The following PDE1C variants were observed in gnomAD, a reference collection of about 807,000 sequenced individuals.
PDE1C encodes the protein phosphodiesterase 1C.
In PDE1C, 62 loss-of-function variants were observed where a neutral mutation model predicts 93.1. The observed-to-expected ratio is 0.67, with a 90% CI of 0.54 to 0.82. PDE1C has a LOEUF of 0.82. Ranked by LOEUF, PDE1C falls within the 40% of genes least tolerant of loss-of-function variation. The pLI is 0.00. For missense variants in PDE1C, 742 were observed against 884.6 expected, an observed-to-expected ratio of 0.84 and a Z score of 2.04; for synonymous variants, 325 against 310.1, an observed-to-expected ratio of 1.05 and a Z score of -0.50.
chr7:31,887,122 T>G (rs1435168779), intron 2 of PDE1C, among the ~76,000 whole-genome samples: 1 of 152,186 alleles, frequency 6.6e-6, no homozygotes, highest in Non-Finnish European at 1.5e-5. Flanking sequence ...CAGGCTGGTC[T>G]GATACTCTGA....
intron 2 of PDE1C, among the ~76,000 whole-genome samples, chr7:31,963,152 C>G (rs1809285601): frequency 6.6e-6 from 1 of 152,080 alleles, no homozygotes; most frequent in African/African-American, 2.4e-5. Context: ...AATAAAAGAA[C>G]TGCCTATATT....
chr7:31,915,861 G>GA (rs1226399847), intron 2 of PDE1C, among the ~76,000 whole-genome samples: 1 of 152,156 alleles, frequency 6.6e-6, no homozygotes, highest in Non-Finnish European at 1.5e-5. Context: ...AAAGATACAA[G>GA]TAGACTTGTA....
the PDE1C span, among the ~76,000 whole-genome samples, chr7:31,732,372 T>C: frequency 1.3e-5 from 2 of 150,636 alleles, no homozygotes; most frequent in African/African-American, 2.5e-5. Flanking sequence ...GCCGTGAAGA[T>C]TTTTTTTTAG....
chr7:31,753,400 T>A lies in PDE1C; in HGVS notation c.2114A>T (p.Asn705Ile). The change falls in exon 18 of 18, where the codon AAC becomes ATC. Residue 705 changes from asparagine to isoleucine, a missense_variant. Around this residue, in one of 4 missense-constraint regions of PDE1C, gnomAD observed 454 missense variants for 459.4 expected, o/e 0.99. Coordinates refer to ENST00000396191, the MANE Select transcript of PDE1C (RefSeq NM_001191057.4). ...CCCCTCGGCCTATTTTCTGTTCCAG[T>A]TATGTGAGATGTTCTGAATCTTTTT... ...KMKKIQNISHNWNRK is the reference protein window; with the variant it reads ...KMKKIQNISHIWNRK 6.2e-7 allele frequency: 1 copy of A among 1,612,232 alleles called. No homozygotes were observed. Among genetic ancestry groups the A allele is most frequent in the African/African-American group, 1.3e-5 (1 of 75,014 alleles).
chr7:31,626,015 C>A, the PDE1C span, among the ~76,000 whole-genome samples: 3 of 152,050 alleles, frequency 2.0e-5, no homozygotes, highest in Non-Finnish European at 4.4e-5. Context: ...AACTTTATGA[C>A]TAACTCTATG....
the PDE1C span, among the ~76,000 whole-genome samples, chr7:31,714,664 A>G: frequency 6.6e-6 from 1 of 152,228 alleles, no homozygotes; most frequent in Non-Finnish European, 1.5e-5. Flanking sequence ...TCATGGCAGA[A>G]GGCAAAGAGG....
chr7:32,387,811 CCCCCACCACCTCCCT>C, intron 1 of PDE1C, among the ~76,000 whole-genome samples: 1 of 140,620 alleles, frequency 7.1e-6, no homozygotes, highest in African/African-American at 2.8e-5. Context: ...GGGGGGCTGA[CCCCCACCACCTCCCT>C]CCAGGACGGG....
chr7:32,016,291 G>C (rs1005247656), intron 2 of PDE1C, among the ~76,000 whole-genome samples: 4 of 152,162 alleles, frequency 2.6e-5, no homozygotes, highest in Non-Finnish European at 4.4e-5. Flanking sequence ...GAATTCAAAG[G>C]CTCACCCTTG....
chr7:32,299,303 C>T, exon 1 of PDE1C: 1 of 985,746 alleles, frequency 1.0e-6, no homozygotes, highest in South Asian at 4.7e-5. Context: ...TGAGATGTTG[C>T]CGAAGTTTAC....
At chr7:31,617,547 A>G in the PDE1C span, among the ~76,000 whole-genome samples, 2 of 152,290 alleles carry the variant, frequency 1.3e-5, no homozygotes, top group South Asian at 4.1e-4. Flanking sequence ...GAGTTCAGAC[A>G]AAATTATTTA....
At chr7:31,944,876 G>A (rs1462456172) in intron 2 of PDE1C, among the ~76,000 whole-genome samples, 1 of 152,000 alleles carries the variant, frequency 6.6e-6, no homozygotes, top group Non-Finnish European at 1.5e-5. Flanking sequence ...GCTCCTTAAC[G>A]TTTTTGAAGA....
At chr7:31,915,203 T>C (rs376310867) in intron 2 of PDE1C, among the ~76,000 whole-genome samples, 2 of 152,334 alleles carry the variant, frequency 1.3e-5, no homozygotes, top group South Asian at 4.1e-4. Context: ...GTCTGTATCC[T>C]TTAATAAATT....
At chr7:31,875,517 G>A (rs1796439160) in intron 5 of PDE1C, among the ~76,000 whole-genome samples, 1 of 151,906 alleles carries the variant, frequency 6.6e-6, no homozygotes, top group Admixed American at 6.6e-5. Context: ...TTTTTAACAA[G>A]TACCCAGTTT....
intron 1 of PDE1C, among the ~76,000 whole-genome samples, chr7:32,386,977 C>T (rs1214580351): frequency 6.6e-6 from 1 of 150,840 alleles, no homozygotes; most frequent in Admixed American, 6.6e-5. Flanking sequence ...AGCAGATAAA[C>T]AAGTGAACAA....
At chr7:32,214,829 C>T (rs1584973604) in intron 1 of PDE1C, among the ~76,000 whole-genome samples, 1 of 152,256 alleles carries the variant, frequency 6.6e-6, no homozygotes, top group Middle Eastern at 3.4e-3. Context: ...GTGGATTGAG[C>T]ACCACCTGGG....
intron 2 of PDE1C, among the ~76,000 whole-genome samples, chr7:31,884,349 T>C (rs914831264): frequency 2.0e-5 from 3 of 151,748 alleles, no homozygotes; most frequent in Admixed American, 6.5e-5. Flanking sequence ...GTGTGTTCAA[T>C]ACAATTCAAA....
intron 12 of PDE1C, among the ~76,000 whole-genome samples, chr7:31,827,414 A>G (rs186886609): frequency 1.3e-5 from 2 of 152,170 alleles, no homozygotes; most frequent in Non-Finnish European, 2.9e-5. Context: ...TACTAGGTAC[A>G]AAAGTCTACC....
rs1783185860 is a variant in PDE1C at position 32,316,891 on chromosome 7, C to T, written c.311-107352G>A. On this transcript the variant is annotated intron_variant, in intron 1 of 1. Transcript: ENST00000672256. ...ACCACATTTTTAACACACTGCCTCT[C>T]AAGCCAACAAAGAGCATTTGTGAGA... is the stretch of plus-strand genomic sequence containing the variant. Among the ~76,000 whole-genome samples the T allele has an allele frequency of 2.0e-5, 3 of 152,218 alleles. No homozygotes were observed. In the South Asian group the frequency reaches 6.2e-4, roughly 31 times the overall value.
intron 3 of PDE1C, among the ~76,000 whole-genome samples, chr7:32,084,394 A>T (rs916457231): frequency 1.8e-4 from 27 of 149,436 alleles, no homozygotes; most frequent in African/African-American, 6.4e-4. Flanking sequence ...CTCCCACACA[A>T]TAATAATGGG....
Sources: gnomAD v4.1 joint callset for allele counts (sites outside exome capture counted in the v4.1 genomes callset) on GRCh38, gnomAD v4.1.1 for gene constraint, gnomAD v4.1.1 regional missense constraint, MANE v1.5 for transcripts, NCBI Gene and HGNC (gene_info 2026-07-23, HGNC 2026-07-21) for gene names.